MDGA2: variants seen among roughly 807,000 people sequenced by gnomAD.
MDGA2 encodes the protein MAM domain-containing glycosylphosphatidylinositol anchor protein 2.
MDGA2 carries 40 observed loss-of-function variants against 117.8 expected under a neutral mutation model. That is an observed-to-expected ratio of 0.34 (90% CI 0.26 to 0.44). MDGA2 has a LOEUF of 0.44. MDGA2 is among the 20% of genes least tolerant of loss of function. MDGA2 has a pLI of 1.00. For missense variants in MDGA2, 1,123 were observed against 1,250.6 expected (o/e 0.90, Z 1.54); for synonymous variants, 452 against 439.0 (o/e 1.03, Z -0.37).
intron 1 of MDGA2, among the ~76,000 whole-genome samples, chr14:47,514,245 C>A (rs1293153733): frequency 1.3e-5 from 2 of 152,020 alleles, no homozygotes; most frequent in Admixed American, 1.3e-4. Flanking sequence ...TTTAAACAAC[C>A]GGCCTCATTT....
chr14:47,221,262 C>CAAAAA (rs1886289037), intron 2 of MDGA2, among the ~76,000 whole-genome samples: 1 of 151,858 alleles, frequency 6.6e-6, no homozygotes, highest in African/African-American at 2.4e-5. Flanking sequence ...ACTCTGGAAT[C>CAAAAA]TTAAACCTTG....
At chr14:47,554,872 T>G (rs1270728235) in intron 1 of MDGA2, among the ~76,000 whole-genome samples, 4 of 152,208 alleles carry the variant, frequency 2.6e-5, no homozygotes, top group Admixed American at 6.5e-5. Flanking sequence ...CTAGCTGTTA[T>G]GGACCTATCT....
intron 1 of MDGA2, among the ~76,000 whole-genome samples, chr14:47,614,095 CT>C (rs768294746): frequency 0.17 from 17,393 of 101,498 alleles, 797 homozygotes; most frequent in Non-Finnish European, 0.2. Context: ...TTTCTTTTTT[CT>C]TTTTTTTTTT....
At chr14:46,845,591 T>C (rs1880802357) in intron 16 of MDGA2, among the ~76,000 whole-genome samples, 175 bp downstream of exon 16, 2 of 152,204 alleles carry the variant, frequency 1.3e-5, no homozygotes, top group Admixed American at 1.3e-4. Flanking sequence ...ATGTCTACAA[T>C]TGAATTTAAT....
rs1889850166 is a variant in MDGA2 at position 47,060,670 on chromosome 14, AAG to A, written c.1525+577_1525+578del. ...AACATGTTTTCGTTTTTAACTTTAAAAGAAAGAATTTCACTCCAATATATTTT... is the reference window on the plus strand; with the variant it reads ...AACATGTTTTCGTTTTTAACTTTAAAAAAGAATTTCACTCCAATATATTTT... On this transcript the variant is annotated intron_variant, in intron 7 of 16. Coordinates refer to ENST00000399232, the MANE Select transcript of MDGA2 (RefSeq NM_001113498.3). Among the ~76,000 whole-genome samples the A allele has an allele frequency of 3.3e-5, 5 of 152,202 alleles. No individual in the cohort carries two copies. In the South Asian group the frequency reaches 1.0e-3, roughly 32 times the overall value.
chr14:46,944,812 A>G (rs1885116373), intron 9 of MDGA2, among the ~76,000 whole-genome samples: 1 of 151,950 alleles, frequency 6.6e-6, no homozygotes, highest in Admixed American at 6.6e-5. Context: ...TTTGTATGCT[A>G]AAATTTCTTA....
chr14:47,524,737 C>T (rs893753851), intron 1 of MDGA2, among the ~76,000 whole-genome samples: 1 of 152,150 alleles, frequency 6.6e-6, no homozygotes, highest in Non-Finnish European at 1.5e-5. Context: ...CTCATGTGCA[C>T]AATCAAAATA....
At chr14:47,351,322 T>C (rs901417078) in intron 1 of MDGA2, among the ~76,000 whole-genome samples, 1 of 152,118 alleles carries the variant, frequency 6.6e-6, no homozygotes, top group African/African-American at 2.4e-5. Flanking sequence ...CCTCAAGTGA[T>C]CTGCCGGCCT....
rs1897852237 is a variant in MDGA2 at position 47,661,761 on chromosome 14, T to TTTC, written c.280+12755_280+12756insGAA. Among the ~76,000 whole-genome samples the TTTC allele has an allele frequency of 2.7e-5, 4 of 148,220 alleles. No individual in the cohort carries two copies. In the South Asian group the frequency reaches 8.7e-4, roughly 32 times the overall value. On this transcript the variant is annotated intron_variant, in intron 1 of 16. Coordinates refer to ENST00000399232, the MANE Select transcript of MDGA2 (RefSeq NM_001113498.3). Reference sequence around the variant, plus strand: ...ATCAGAGTTTCTTTTTTTTTTTTTTTTTTTTTTGAGACAGAGTTTCGCTCT... The same window carrying TTTC: ...ATCAGAGTTTCTTTTTTTTTTTTTTTTTCTTTTTTTGAGACAGAGTTTCGCTCT...
At position 47,609,465 on chromosome 14, in the gene MDGA2, A is replaced by AT. The variant is rs1555336021; in HGVS notation, c.280+65051_280+65052insA. The stretch of plus-strand genomic sequence containing the variant: ...TATATATATATATATATATATATAT[A>AT]AGTTTCTTTATCTACTTGTTGATTG... On this transcript the variant is annotated intron_variant, in intron 1 of 16. Coordinates refer to ENST00000399232, the MANE Select transcript of MDGA2 (RefSeq NM_001113498.3). Among the ~76,000 whole-genome samples the AT allele has an allele frequency of 2.9e-3, 307 of 107,170 alleles. 1 individual carries two copies. Among genetic ancestry groups the AT allele is most frequent in the Middle Eastern group, 4.9e-3 (1 of 204 alleles). 70.3% of individuals were successfully genotyped at this position (107,170 alleles called of 152,430 possible). A position where few individuals can be genotyped will look rare whatever the true frequency, so the allele number is the denominator to read the frequency against.
intron 8 of MDGA2, among the ~76,000 whole-genome samples, chr14:46,979,060 A>C (rs752495938): frequency 1.3e-5 from 2 of 152,146 alleles, no homozygotes; most frequent in Non-Finnish European, 2.9e-5. Flanking sequence ...CCATTTTTCC[A>C]ACAGCATAGT....
chr14:47,540,536 G>GTGTGTGTGTA (rs1555330654), intron 1 of MDGA2, among the ~76,000 whole-genome samples: 1 of 71,088 alleles, frequency 1.4e-5, no homozygotes, highest in African/African-American at 4.0e-5. Flanking sequence ...GTGTGTGTGT[G>GTGTGTGTGTA]TGTGTATATA....
intron 1 of MDGA2, among the ~76,000 whole-genome samples, chr14:47,318,642 C>T (rs559088858): frequency 6.6e-6 from 1 of 152,190 alleles, no homozygotes; most frequent in South Asian, 2.1e-4. Flanking sequence ...ATTTTATTGG[C>T]ATTTTATCCC....
chr14:46,988,209 G>T (rs1276491537), intron 8 of MDGA2, among the ~76,000 whole-genome samples: 1 of 151,690 alleles, frequency 6.6e-6, no homozygotes, highest in Non-Finnish European at 1.5e-5. Context: ...GGAGAATCAT[G>T]CTGATTATTC....
chr14:47,506,448 T>G (rs1349514964), intron 1 of MDGA2, among the ~76,000 whole-genome samples: 1 of 152,214 alleles, frequency 6.6e-6, no homozygotes, highest in African/African-American at 2.4e-5. Flanking sequence ...CTTCTCAGTA[T>G]TTTAAATTAA....
intron 10 of MDGA2, among the ~76,000 whole-genome samples, chr14:46,906,617 C>G (rs1378918365): frequency 2.0e-5 from 3 of 152,110 alleles, no homozygotes; most frequent in African/African-American, 7.2e-5. Flanking sequence ...TATATATTTA[C>G]TTGCCATCTG....
chr14:47,274,697 T>C (rs1306696806), intron 2 of MDGA2, among the ~76,000 whole-genome samples: 1 of 152,150 alleles, frequency 6.6e-6, no homozygotes, highest in Non-Finnish European at 1.5e-5. Flanking sequence ...CTACTGGCAA[T>C]GTATAAGGAT....
chr14:47,627,735 C>G (rs952613741), intron 1 of MDGA2, among the ~76,000 whole-genome samples: 1 of 152,172 alleles, frequency 6.6e-6, no homozygotes, highest in African/African-American at 2.4e-5. Context: ...CGCTGGGGTC[C>G]CCTTCCACAT....
chr14:47,103,643 G>A (rs1880465853), intron 5 of MDGA2, among the ~76,000 whole-genome samples: 1 of 152,224 alleles, frequency 6.6e-6, no homozygotes, highest in Non-Finnish European at 1.5e-5. Context: ...TCACAGGACA[G>A]ACATTTATGG....
Sources: gnomAD v4.1 joint callset for allele counts (sites outside exome capture counted in the v4.1 genomes callset) on GRCh38, gnomAD v4.1.1 for gene constraint, MANE v1.5 for transcripts, NCBI Gene and HGNC (gene_info 2026-07-23, HGNC 2026-07-21) for gene names.